Variants in RAPGEF5 observed in about 807,000 individuals in gnomAD.
RAPGEF5 encodes the protein M-Ras-regulated GEF.
Under a neutral mutation model 125.2 loss-of-function variants are expected in RAPGEF5, and 65 were observed. The observed-to-expected ratio is 0.52, with a 90% CI of 0.43 to 0.64. RAPGEF5 has a LOEUF of 0.64. Ranked by LOEUF, RAPGEF5 falls within the 30% of genes least tolerant of loss-of-function variation. The pLI is 0.00. For synonymous variants in RAPGEF5, 391 were observed against 385.9 expected (o/e 1.01, Z -0.16); for missense variants, 958 against 1,048.1 (o/e 0.91, Z 1.19).
At chr7:22,159,076 C>T (rs1174737947) in intron 14 of RAPGEF5, among the ~76,000 whole-genome samples, 4 of 152,008 alleles carry the variant, frequency 2.6e-5, no homozygotes, top group Non-Finnish European at 5.9e-5. Context: ...ATAAAGTTTC[C>T]CAGCTGTAAC....
chr7:22,239,190 G>C (rs1332087679), intron 7 of RAPGEF5, among the ~76,000 whole-genome samples: 1 of 152,176 alleles, frequency 6.6e-6, no homozygotes, highest in African/African-American at 2.4e-5. Context: ...GGAGAGTGGA[G>C]GCAGGAGTGG....
chr7:22,355,134 T>C (rs1784397994), intron 1 of RAPGEF5, among the ~76,000 whole-genome samples: 1 of 152,296 alleles, frequency 6.6e-6, no homozygotes, highest in Admixed American at 6.5e-5. Context: ...TTACGAAATG[T>C]GTTTGGAAAG....
intron 9 of RAPGEF5, among the ~76,000 whole-genome samples, chr7:22,217,670 A>G (rs1485918827): frequency 6.6e-6 from 1 of 152,186 alleles, no homozygotes; most frequent in Non-Finnish European, 1.5e-5. Flanking sequence ...AAAGATCCCT[A>G]ATATTCCTTT....
intron 1 of RAPGEF5, among the ~76,000 whole-genome samples, chr7:22,319,145 T>C (rs955476206): frequency 1.3e-5 from 2 of 152,160 alleles, no homozygotes; most frequent in Non-Finnish European, 2.9e-5. Flanking sequence ...TCATTTCCTA[T>C]TGCAGTATTA....
intron 11 of RAPGEF5, among the ~76,000 whole-genome samples, chr7:22,177,509 G>A (rs1041295883): frequency 8.5e-5 from 13 of 152,228 alleles, no homozygotes; most frequent in Non-Finnish European, 1.9e-4. Flanking sequence ...AAGTAAGGGA[G>A]GAAAATGATA....
intron 19 of RAPGEF5, among the ~76,000 whole-genome samples, chr7:22,145,967 C>T (rs202070037): frequency 1.4e-4 from 20 of 143,968 alleles, no homozygotes; most frequent in Middle Eastern, 3.5e-3. Context: ...TGTTTGTGTG[C>T]GTGTGTGTGT....
chr7:22,265,158 C>T (rs1432402539), intron 7 of RAPGEF5, among the ~76,000 whole-genome samples: 1 of 152,084 alleles, frequency 6.6e-6, no homozygotes, highest in African/African-American at 2.4e-5. Context: ...TTGCAATATA[C>T]AATAAATTAT....
At chr7:22,124,689 TCTTA>T (rs1299035621) in intron 25 of RAPGEF5, among the ~76,000 whole-genome samples, 11 of 152,352 alleles carry the variant, frequency 7.2e-5, no homozygotes, top group Middle Eastern at 3.4e-3. Flanking sequence ...AATGGGCATG[TCTTA>T]CTTAAAAAAT....
chr7:22,153,228 T>C (rs935529816), intron 17 of RAPGEF5, among the ~76,000 whole-genome samples: 1 of 152,212 alleles, frequency 6.6e-6, no homozygotes, highest in African/African-American at 2.4e-5. Context: ...AGGTGGATGC[T>C]TAAGCTTAAT....
rs1485266730 is a variant in RAPGEF5 at position 22,150,388 on chromosome 7, C to G, written c.1884+19G>C. The G allele has an allele frequency of 6.3e-7, 1 of 1,595,228 alleles. No homozygotes were observed. ...TCGCCTGGCCTGTTTGTTTCAAATA[C>G]AAGGCTGAAGGTCCTTACCAAAGTG... is the stretch of plus-strand genomic sequence containing the variant. On this transcript the variant is annotated intron_variant, in intron 18 of 25. Transcript: ENST00000665637.
At chr7:22,254,240 C>T (rs748647705) in intron 7 of RAPGEF5, among the ~76,000 whole-genome samples, 2 of 151,208 alleles carry the variant, frequency 1.3e-5, no homozygotes, top group African/African-American at 2.4e-5. Flanking sequence ...TTTCCAAAAT[C>T]GTGTTACTGG....
chr7:22,268,512 G>C (rs1216835637), intron 6 of RAPGEF5, among the ~76,000 whole-genome samples: 1 of 152,210 alleles, frequency 6.6e-6, no homozygotes, highest in Non-Finnish European at 1.5e-5. Context: ...GTTTATTGTA[G>C]TATTACCAGT....
chr7:22,198,536 T>C (rs896178582), intron 9 of RAPGEF5, among the ~76,000 whole-genome samples: 3 of 152,214 alleles, frequency 2.0e-5, no homozygotes, highest in African/African-American at 4.8e-5. Context: ...TTGTGAAGTG[T>C]AAAACATCAT....
At chr7:22,199,927 C>A (rs1364428725) in intron 9 of RAPGEF5, among the ~76,000 whole-genome samples, 1 of 152,158 alleles carries the variant, frequency 6.6e-6, no homozygotes, top group African/African-American at 2.4e-5. Context: ...TATCATAGAA[C>A]AAATGAAGAC....
intron 3 of RAPGEF5, among the ~76,000 whole-genome samples, chr7:22,315,147 G>A (rs944757631): frequency 3.3e-5 from 5 of 152,086 alleles, no homozygotes; most frequent in African/African-American, 1.2e-4. Context: ...TCCACACTTG[G>A]GGCTGGAAAT....
intron 12 of RAPGEF5, 61 bp from the exon 13 acceptor site, chr7:22,162,602 T>G (rs1033254418): frequency 4.1e-6 from 6 of 1,464,084 alleles, no homozygotes; most frequent in Non-Finnish European, 5.6e-6. Context: ...GACATCCATT[T>G]ACTCTTATTT....
intron 9 of RAPGEF5, among the ~76,000 whole-genome samples, chr7:22,198,939 A>T (rs1785212490): frequency 6.6e-6 from 1 of 152,226 alleles, no homozygotes; most frequent in African/African-American, 2.4e-5. Context: ...CAGTGCCCTT[A>T]ACCAGAACCA....
intron 8 of RAPGEF5, among the ~76,000 whole-genome samples, chr7:22,229,001 G>A (rs148523490): frequency 7.0e-4 from 107 of 152,204 alleles, no homozygotes; most frequent in South Asian, 1.5e-3. Flanking sequence ...CCATTTTGCA[G>A]AGATGAAAAC....
intron 20 of RAPGEF5, 83 bp from the exon 21 acceptor site, chr7:22,140,198 C>T: frequency 7.9e-7 from 1 of 1,268,746 alleles, no homozygotes; most frequent in Non-Finnish European, 1.1e-6. Flanking sequence ...TGAAAAGACC[C>T]TCCTAGGCCA....
Sources: allele counts gnomAD v4.1 joint callset (sites outside exome capture counted in the v4.1 genomes callset), GRCh38; gene constraint gnomAD v4.1.1; transcripts MANE v1.5; gene names NCBI Gene and HGNC (gene_info 2026-07-23, HGNC 2026-07-21).